The following CPA6 variants were observed in gnomAD, a reference collection of about 807,000 sequenced individuals.
CPA6 encodes the protein carboxypeptidase B.
Under a neutral mutation model 63.3 loss-of-function variants are expected in CPA6, and 58 were observed. The ratio of observed to expected loss-of-function variants is 0.92; its 90% CI spans 0.74 to 1.14. CPA6 has a LOEUF of 1.14. Among genes scored for constraint, CPA6 ranks in the 50% most tolerant of loss-of-function variants. The pLI is 0.00. For missense variants in CPA6, 565 were observed against 526.6 expected (o/e 1.07, Z -0.71); for synonymous variants, 185 against 179.0 (o/e 1.03, Z -0.27).
At chr8:67,516,657 C>G (rs188783232) in intron 3 of CPA6, among the ~76,000 whole-genome samples, 4 of 152,330 alleles carry the variant, frequency 2.6e-5, no homozygotes, top group Non-Finnish European at 5.9e-5. Flanking sequence ...AATGTTCTTT[C>G]TATTGCCAGA....
chr8:67,557,457 C>CATACCTGT (rs1203236286), intron 2 of CPA6, among the ~76,000 whole-genome samples: 1 of 152,198 alleles, frequency 6.6e-6, no homozygotes, highest in Non-Finnish European at 1.5e-5. Flanking sequence ...CTGCCTCTTA[C>CATACCTGT]ATACCTGTGA....
chr8:67,538,088 G>A (rs1440996001), intron 2 of CPA6, among the ~76,000 whole-genome samples: 1 of 152,168 alleles, frequency 6.6e-6, no homozygotes, highest in African/African-American at 2.4e-5. Flanking sequence ...ATTTGCTGAG[G>A]AATGTTTTAC....
chr8:67,440,768 A>G (rs1046080756), intron 8 of CPA6, among the ~76,000 whole-genome samples: 1 of 152,140 alleles, frequency 6.6e-6, no homozygotes, highest in African/African-American at 2.4e-5. Context: ...GTGTATCTAA[A>G]CATGGAAAAG....
intron 8 of CPA6, among the ~76,000 whole-genome samples, chr8:67,445,720 T>C (rs948991722): frequency 1.1e-4 from 16 of 152,300 alleles, no homozygotes; most frequent in African/African-American, 3.6e-4. Flanking sequence ...TATAAAAGAA[T>C]GTGAGAACAT....
intron 1 of CPA6, among the ~76,000 whole-genome samples, chr8:67,733,213 AAAAAAAAAAAAT>A (rs1563412976): frequency 1.5e-4 from 20 of 130,774 alleles, no homozygotes; most frequent in Non-Finnish European, 2.8e-4. Context: ...AAAAAAAAAA[AAAAAAAAAAAAT>A]AAAAAAATTT....
chr8:67,549,753 G>A (rs1443553796), intron 2 of CPA6, among the ~76,000 whole-genome samples: 1 of 152,094 alleles, frequency 6.6e-6, no homozygotes, highest in African/African-American at 2.4e-5. Context: ...CTCTGTGTCT[G>A]GTTTATTTCA....
intron 2 of CPA6, among the ~76,000 whole-genome samples, chr8:67,542,875 T>C (rs186812363): frequency 1.3e-5 from 2 of 152,334 alleles, no homozygotes; most frequent in East Asian, 1.9e-4. Flanking sequence ...TTTCTGAATA[T>C]TGTCCTTGTT....
chr8:67,472,057 A>C (rs1348998445), intron 8 of CPA6, among the ~76,000 whole-genome samples: 1 of 152,230 alleles, frequency 6.6e-6, no homozygotes, highest in Non-Finnish European at 1.5e-5. Flanking sequence ...TCAGAAATGC[A>C]AAAAACACTG....
chr8:67,624,705 C>A (rs1023681519), intron 1 of CPA6, among the ~76,000 whole-genome samples: 3 of 152,148 alleles, frequency 2.0e-5, no homozygotes, highest in Admixed American at 1.3e-4. Flanking sequence ...TTGAATTCTT[C>A]CCACATGGAG....
At chr8:67,511,973 A>C (rs1416262996) in intron 3 of CPA6, among the ~76,000 whole-genome samples, 1 of 152,174 alleles carries the variant, frequency 6.6e-6, no homozygotes, top group South Asian at 2.1e-4. Context: ...CTACTTACCT[A>C]CCAGCAGCCA....
Position 67,483,785 on chromosome 8 carries a change from C to A in CPA6, c.821G>T (p.Trp274Leu). 6.2e-7 allele frequency: 1 copy of A among 1,614,078 alleles called. No individual in the cohort carries two copies. Among genetic ancestry groups the A allele is most frequent in the South Asian group, 1.1e-5 (1 of 91,084 alleles). The part of the protein sequence containing the change: ...RCRGVDANRN[W>L]KVKWCDEGAS... Reference sequence around the variant, plus strand: ...AAACTTACCACACCACTTCACTTTCCAGTTTCTATTGGCATCCACTCCACG... The same window carrying A: ...AAACTTACCACACCACTTCACTTTCAAGTTTCTATTGGCATCCACTCCACG... Residue 274 changes from tryptophan (W) to leucine (L), a missense_variant, in exon 8 of 11, where the codon TGG becomes TTG. Physicochemically the swap from Trp to Leu is moderately conservative, Grantham distance 61. Transcript: ENST00000297770.
intron 4 of CPA6, 42 bp downstream of exon 4, chr8:67,511,499 T>C (rs750378851): frequency 1.8e-6 from 2 of 1,085,762 alleles, no homozygotes; most frequent in Non-Finnish European, 2.9e-6. Flanking sequence ...ATGATAAAGA[T>C]GACTCTGTGA....
At chr8:67,470,778 A>G (rs1471594360) in intron 8 of CPA6, among the ~76,000 whole-genome samples, 1 of 152,204 alleles carries the variant, frequency 6.6e-6, no homozygotes, top group Non-Finnish European at 1.5e-5. Flanking sequence ...AGGTATATTT[A>G]TATATACAAT....
rs1029709293 is a variant in CPA6 at position 67,667,176 on chromosome 8, C to T, written c.117-42925G>A. Among the ~76,000 whole-genome samples, 2 of 152,264 alleles carry T rather than the reference C, an allele frequency of 1.3e-5. 1 individual carries two copies. Among genetic ancestry groups the T allele is most frequent in the South Asian group, 4.1e-4 (2 of 4,834 alleles). ...GGACTCCCATTGCTGCTTTGATGAC[C>T]TTTGAGAAAGAAATCATTGGTTCAG... On this transcript the variant is annotated intron_variant, in intron 1 of 10. Transcript: ENST00000297770.
chr8:67,520,452 T>G (rs1812236329), intron 2 of CPA6, among the ~76,000 whole-genome samples: 1 of 152,146 alleles, frequency 6.6e-6, no homozygotes, highest in African/African-American at 2.4e-5. Flanking sequence ...GGAATTCTAT[T>G]TTGTTGTGAT....
At chr8:67,615,238 G>A (rs996046616) in intron 2 of CPA6, among the ~76,000 whole-genome samples, 1 of 152,138 alleles carries the variant, frequency 6.6e-6, no homozygotes, top group East Asian at 1.9e-4. Flanking sequence ...TTAATTAAAA[G>A]AATCTTCAAC....
At chr8:67,690,151 A>T (rs934938043) in intron 1 of CPA6, among the ~76,000 whole-genome samples, 1 of 152,058 alleles carries the variant, frequency 6.6e-6, no homozygotes, top group Non-Finnish European at 1.5e-5. Context: ...TAAGCTTCTC[A>T]TGTAGAGGAA....
intron 1 of CPA6, among the ~76,000 whole-genome samples, chr8:67,660,123 G>A (rs1339482129): frequency 4.6e-5 from 7 of 152,092 alleles, no homozygotes; most frequent in Non-Finnish European, 1.5e-5. Flanking sequence ...AAGGGAGGCA[G>A]TGTAGCATAA....
intron 6 of CPA6, among the ~76,000 whole-genome samples, chr8:67,494,935 T>G (rs950636036): frequency 6.6e-6 from 1 of 152,204 alleles, no homozygotes; most frequent in African/African-American, 2.4e-5. Context: ...TTTGGCAGCT[T>G]GCTTGATCTT....
Sources: allele counts gnomAD v4.1 joint callset (sites outside exome capture counted in the v4.1 genomes callset), GRCh38; gene constraint gnomAD v4.1.1; transcripts MANE v1.5; gene names NCBI Gene and HGNC (gene_info 2026-07-23, HGNC 2026-07-21).